VPS35L: variants seen among roughly 807,000 people sequenced by gnomAD.
VPS35L encodes the protein VPS35 endosomal protein sorting factor like.
VPS35L carries 83 observed loss-of-function variants against 133.0 expected under a neutral mutation model. That is an observed-to-expected ratio of 0.62 (90% CI 0.52 to 0.75). The LOEUF is 0.75. Ranked by LOEUF, VPS35L falls within the 30% of genes least tolerant of loss-of-function variation. The pLI is 0.00. For synonymous variants in VPS35L, 423 were observed against 449.9 expected (o/e 0.94, Z 0.76); for missense variants, 1,083 against 1,206.8 (o/e 0.90, Z 1.52).
chr16:19,599,537 C>CTT (rs10709909), intron 8 of VPS35L, among the ~76,000 whole-genome samples: 3,625 of 145,612 alleles, frequency 0.025, 153 homozygotes, highest in African/African-American at 0.086. Flanking sequence ...CTCCAAAATA[C>CTT]TTTTTTTTTT....
chr16:19,585,729 A>C (rs1469889886), intron 7 of VPS35L, among the ~76,000 whole-genome samples: 2 of 151,244 alleles, frequency 1.3e-5, no homozygotes, highest in African/African-American at 4.9e-5. Context: ...TAACCCTCCT[A>C]CTATCCTAGT....
rs1973504905 is a variant in VPS35L, at chr16:19,633,011, C to T, written c.1555-81C>T. The T allele has an allele frequency of 5.9e-6, 6 of 1,017,946 alleles. No individual in the cohort carries two copies. The highest frequency in any genetic ancestry group is 2.6e-5 in the South Asian group (2 of 77,028). The allele number at this position is 1,017,946 out of a possible 1,614,324, so 63.1% of individuals were successfully genotyped here. ...GAAGGTGTGTGATATATTCTGAATA[C>T]GTTAGTCCTTTCCCCCAGGAACATG... On this transcript the variant is annotated intron_variant, in intron 18 of 30. Transcript: ENST00000417362. The surrounding 1 kb of genome is among the most constrained non-coding windows in gnomAD (Gnocchi z 4.1).
intron 28 of VPS35L, among the ~76,000 whole-genome samples, chr16:19,688,680 T>TG (rs1371661398): frequency 6.6e-6 from 1 of 152,230 alleles, no homozygotes; most frequent in African/African-American, 2.4e-5. Context: ...GATGCTGAAC[T>TG]GGGCTCCCCA....
intron 26 of VPS35L, among the ~76,000 whole-genome samples, chr16:19,658,635 A>G (rs1974382159): frequency 6.6e-6 from 1 of 152,166 alleles, no homozygotes; most frequent in African/African-American, 2.4e-5. Context: ...ATGGACATAA[A>G]ATGTGCTTGG....
rs895856980 is a variant in VPS35L, at chr16:19,633,166, C to T, written c.1629C>T (p.Tyr543=). 6.2e-7 allele frequency: 1 copy of T among 1,613,686 alleles called. No individual in the cohort carries two copies. The highest frequency in any genetic ancestry group is 1.1e-5 in the South Asian group (1 of 91,078). The change falls in exon 19 of 31, where the codon TAC becomes TAT. Residue 543 remains tyrosine, a synonymous_variant. Transcript: ENST00000417362. This position sits in a 1 kb window ranked among gnomAD's most constrained non-coding sequence, Gnocchi z 4.1. ...MTPDRAFEDS[Y]PQLQLIIKKV... Reference sequence around the variant, plus strand: ...CAGATCGTGCATTTGAAGATTCCTACCCCCAGGTAACAGATTTGCATTTCT... The same window carrying T: ...CAGATCGTGCATTTGAAGATTCCTATCCCCAGGTAACAGATTTGCATTTCT...
intron 8 of VPS35L, among the ~76,000 whole-genome samples, chr16:19,594,669 A>AAAAG (rs1972150883): frequency 5.5e-5 from 6 of 109,684 alleles, no homozygotes; most frequent in Non-Finnish European, 9.7e-5. Flanking sequence ...AAAAAAAAAA[A>AAAAG]AAGAAGAGAA....
At chr16:19,640,965 C>G (rs1301710415) in intron 21 of VPS35L, among the ~76,000 whole-genome samples, 1 of 152,108 alleles carries the variant, frequency 6.6e-6, no homozygotes, top group Non-Finnish European at 1.5e-5. Context: ...CCAGGCTGGT[C>G]TTCATCTCCT....
chr16:19,655,989 G>C (rs376773220), intron 26 of VPS35L, among the ~76,000 whole-genome samples: 1 of 151,978 alleles, frequency 6.6e-6, no homozygotes, highest in Non-Finnish European at 1.5e-5. Context: ...CGGGCTAGGC[G>C]TGGTGGCTTA....
chr16:19,555,981 A>T (rs1008642667), intron 1 of VPS35L, among the ~76,000 whole-genome samples: 1 of 151,760 alleles, frequency 6.6e-6, no homozygotes, highest in Non-Finnish European at 1.5e-5. Context: ...TGCGCCTTCC[A>T]CGGGCCCCTG....
At chr16:19,629,603 C>T (rs1033664106) in intron 17 of VPS35L, among the ~76,000 whole-genome samples, 164 bp from the exon 18 acceptor site, 3 of 152,094 alleles carry the variant, frequency 2.0e-5, no homozygotes, top group Admixed American at 1.3e-4. Flanking sequence ...TTGAAAATAT[C>T]GTTAGTAGGA....
chr16:19,572,872 A>G (rs1971425131), intron 3 of VPS35L, among the ~76,000 whole-genome samples: 1 of 151,954 alleles, frequency 6.6e-6, no homozygotes, highest in African/African-American at 2.4e-5. Flanking sequence ...ATGGGGTTTT[A>G]CCATGTTGGC....
intron 1 of VPS35L, among the ~76,000 whole-genome samples, chr16:19,564,234 C>T (rs1040787788): frequency 6.6e-6 from 1 of 151,462 alleles, no homozygotes; most frequent in Non-Finnish European, 1.5e-5. Context: ...TGTGCCACCA[C>T]GCCCGGCTAA....
At chr16:19,590,945 A>G (rs1041535439) in intron 7 of VPS35L, among the ~76,000 whole-genome samples, 7 of 152,180 alleles carry the variant, frequency 4.6e-5, no homozygotes, top group Admixed American at 2.0e-4. Context: ...ACAGAGCAAG[A>G]CCTTATCTCT....
chr16:19,656,765 A>G (rs1974316185), intron 26 of VPS35L, among the ~76,000 whole-genome samples: 1 of 152,042 alleles, frequency 6.6e-6, no homozygotes. Context: ...AGCTAACTGT[A>G]TACAGTACGT....
chr16:19,657,526 C>A (rs572955225), intron 26 of VPS35L, among the ~76,000 whole-genome samples: 41 of 152,260 alleles, frequency 2.7e-4, no homozygotes, highest in African/African-American at 9.4e-4. Flanking sequence ...TGTTATTTAA[C>A]AAGTAAATAT....
chr16:19,595,091 T>C (rs1972168491), intron 8 of VPS35L, among the ~76,000 whole-genome samples: 1 of 152,104 alleles, frequency 6.6e-6, no homozygotes, highest in Non-Finnish European at 1.5e-5. Flanking sequence ...GGGCAGAAAC[T>C]GACATGGTCA....
chr16:19,641,068 T>A (rs1272608786), intron 21 of VPS35L, among the ~76,000 whole-genome samples: 1 of 152,020 alleles, frequency 6.6e-6, no homozygotes, highest in Non-Finnish European at 1.5e-5. Context: ...TATTATTATT[T>A]TTTTAATTTA....
chr16:19,571,456 A>G (rs867123433), intron 3 of VPS35L, among the ~76,000 whole-genome samples: 19 of 152,146 alleles, frequency 1.2e-4, no homozygotes, highest in South Asian at 6.2e-4. Context: ...GGCACAAGCA[A>G]TCCTCCTGCC....
At chr16:19,624,370 G>A (rs1299374382) in intron 14 of VPS35L, among the ~76,000 whole-genome samples, 2 of 152,002 alleles carry the variant, frequency 1.3e-5, no homozygotes, top group South Asian at 2.1e-4. Flanking sequence ...ATTGCCTGAG[G>A]TCAGGAGTTC....
Sources: gnomAD v4.1 joint callset for allele counts (sites outside exome capture counted in the v4.1 genomes callset) on GRCh38, gnomAD v4.1.1 for gene constraint, Gnocchi (gnomAD v3.1) non-coding constraint, MANE v1.5 for transcripts, NCBI Gene and HGNC (gene_info 2026-07-23, HGNC 2026-07-21) for gene names.